Variants in APBA2 observed in about 807,000 individuals in gnomAD.
APBA2 encodes amyloid-beta A4 precursor protein-binding family A member 2.
A neutral mutation model predicts 75.0 loss-of-function variants in APBA2; 30 were observed. That is an observed-to-expected ratio of 0.40 (90% CI 0.30 to 0.54). The LOEUF is 0.54. Ranked by LOEUF, APBA2 falls within the 20% of genes least tolerant of loss-of-function variation. APBA2 has a pLI of 0.49. For synonymous variants in APBA2, 444 were observed against 409.6 expected, an observed-to-expected ratio of 1.08 and a Z score of -1.01; for missense variants, 801 against 1,016.1, an observed-to-expected ratio of 0.79 and a Z score of 2.88.
At chr15:28,910,172 T>G (rs1382544048) in intron 1 of APBA2, among the ~76,000 whole-genome samples, 1 of 152,194 alleles carries the variant, frequency 6.6e-6, no homozygotes, top group Non-Finnish European at 1.5e-5. Flanking sequence ...ATAAGCACTT[T>G]CAGCATTTGC....
intron 7 of APBA2, among the ~76,000 whole-genome samples, chr15:29,093,788 C>T (rs567302540): frequency 3.3e-5 from 5 of 152,226 alleles, no homozygotes; most frequent in African/African-American, 7.2e-5. Context: ...TGCAGAGGCC[C>T]GCCAGCCCAG....
intron 3 of APBA2, among the ~76,000 whole-genome samples, chr15:29,002,574 G>T: frequency 6.6e-6 from 1 of 151,672 alleles, no homozygotes; most frequent in Non-Finnish European, 1.5e-5. Flanking sequence ...GTCAGCGAGT[G>T]GGGGGCTGCA....
chr15:28,936,556 C>G (rs73366738), intron 2 of APBA2, among the ~76,000 whole-genome samples: 1,692 of 152,346 alleles, frequency 0.011, 40 homozygotes, highest in African/African-American at 0.039. Flanking sequence ...TCCCAAGGCA[C>G]TAGTGCCTGC....
In APBA2 at chr15:29,101,699, C is replaced by G; in HGVS notation, c.1439C>G (p.Ser480Cys). 1 of 1,613,740 alleles carries G rather than the reference C, an allele frequency of 6.2e-7. No individual in the cohort carries two copies. The highest frequency in any genetic ancestry group is 1.3e-5 in the African/African-American group (1 of 75,068). Residue 480 changes from serine to cysteine, a missense_variant, in exon 10 of 15, where the codon TCT becomes TGT. By Grantham distance (112) the Ser-to-Cys change is moderately radical (BLOSUM62 -1). Coordinates refer to ENST00000683413, the MANE Select transcript of APBA2 (RefSeq NM_001353788.2). ...MARRRMPRSA[S>C]QDCIETTPGA... ...AGACGCCGCATGCCCCGGTCAGCCT[C>G]TCAGGACTGCATCGAGACCACGCCC...
At chr15:29,076,741 ATG>A (rs1315906390) in intron 6 of APBA2, among the ~76,000 whole-genome samples, 3 of 152,204 alleles carry the variant, frequency 2.0e-5, no homozygotes, top group Non-Finnish European at 4.4e-5. Context: ...GCCCCTGCTA[ATG>A]TGTTATAATA....
chr15:29,032,079 T>C (rs2040516965), intron 3 of APBA2, among the ~76,000 whole-genome samples: 1 of 152,196 alleles, frequency 6.6e-6, no homozygotes, highest in Non-Finnish European at 1.5e-5. Flanking sequence ...TAGGAAGAGG[T>C]GACACCTCCA....
chr15:28,955,971 T>C (rs1038803708), intron 2 of APBA2, among the ~76,000 whole-genome samples: 1 of 152,162 alleles, frequency 6.6e-6, no homozygotes, highest in Non-Finnish European at 1.5e-5. Context: ...ATGCACAGTC[T>C]CAGGCCCCAC....
chr15:29,023,224 C>A (rs2040039513), intron 3 of APBA2, among the ~76,000 whole-genome samples: 2 of 152,114 alleles, frequency 1.3e-5, no homozygotes, highest in Admixed American at 6.6e-5. Flanking sequence ...TAACCAGCCC[C>A]AGACTGAAAG....
chr15:28,938,552 A>T (rs1350227114), intron 2 of APBA2, among the ~76,000 whole-genome samples: 1 of 152,216 alleles, frequency 6.6e-6, no homozygotes, highest in African/African-American at 2.4e-5. Context: ...TCTGTAGCCC[A>T]GGCTGGAGTG....
At chr15:29,061,120 G>C (rs537717321) in intron 4 of APBA2, among the ~76,000 whole-genome samples, 309 of 152,292 alleles carry the variant, frequency 2.0e-3, no homozygotes, top group African/African-American at 7.1e-3. Flanking sequence ...TAGTTCTGTG[G>C]GTCTGTGGGG....
intron 10 of APBA2, among the ~76,000 whole-genome samples, chr15:29,104,347 C>T (rs531292006): frequency 1.3e-5 from 2 of 152,338 alleles, no homozygotes; most frequent in African/African-American, 4.8e-5. Context: ...GAGGCGTCAC[C>T]AAGGCCGCCA....
chr15:28,904,906 G>A (rs1373530016), intron 1 of APBA2, among the ~76,000 whole-genome samples: 1 of 152,202 alleles, frequency 6.6e-6, no homozygotes, highest in African/African-American at 2.4e-5. Context: ...AGGGAGAGAG[G>A]CCTTTTCTGA....
intron 3 of APBA2, among the ~76,000 whole-genome samples, chr15:29,022,433 A>G (rs989769335): frequency 6.6e-6 from 1 of 152,144 alleles, no homozygotes; most frequent in Non-Finnish European, 1.5e-5. Flanking sequence ...CTGAGTATCT[A>G]ACATTTTAGA....
At chr15:28,941,972 G>T (rs1336703274) in intron 2 of APBA2, among the ~76,000 whole-genome samples, 1 of 152,104 alleles carries the variant, frequency 6.6e-6, no homozygotes, top group Non-Finnish European at 1.5e-5. Context: ...TGTTAGCCAG[G>T]ATGGTCTCGA....
chr15:29,016,305 C>T (rs2039660890), intron 3 of APBA2, among the ~76,000 whole-genome samples: 1 of 152,182 alleles, frequency 6.6e-6, no homozygotes, highest in African/African-American at 2.4e-5. Context: ...CTCTGGTCAA[C>T]ACAGAAACAA....
At chr15:28,994,486 C>G (rs905845870) in intron 2 of APBA2, among the ~76,000 whole-genome samples, 6 of 152,166 alleles carry the variant, frequency 3.9e-5, no homozygotes, top group Non-Finnish European at 7.3e-5. Context: ...AACAACGGTG[C>G]AAACAGCCAG....
chr15:28,888,037 G>C (rs576258525), intron 1 of APBA2, among the ~76,000 whole-genome samples: 1 of 152,282 alleles, frequency 6.6e-6, no homozygotes, highest in Non-Finnish European at 1.5e-5. Flanking sequence ...GTGACCGTCA[G>C]CTCCTCATTC....
At chr15:28,963,871 C>A (rs969262580) in intron 2 of APBA2, among the ~76,000 whole-genome samples, 1 of 152,174 alleles carries the variant, frequency 6.6e-6, no homozygotes, top group South Asian at 2.1e-4. Context: ...ACTAGTCAGA[C>A]TCCAGTAGTT....
chr15:28,886,024 C>T lies in APBA2; in HGVS notation c.-459C>T, dbSNP rs1359033087. 1.3e-5 allele frequency: 2 copies of T among 149,276 alleles called. No homozygotes were observed. Among genetic ancestry groups the T allele is most frequent in the Admixed American group, 6.7e-5 (1 of 15,006 alleles). The allele number at this position is 149,276 out of a possible 1,614,324, so 9.2% of individuals were successfully genotyped here. On this transcript the variant is annotated 5_prime_UTR_variant, in exon 1 of 15. Transcript: ENST00000683413. ...AAGCGGCCGGGGCGGGGGCGCAGGC[C>T]CGGCAGCCGCAGGCCGGTGCGGGAT...
Sources: allele counts gnomAD v4.1 joint callset (sites outside exome capture counted in the v4.1 genomes callset), GRCh38; gene constraint gnomAD v4.1.1; transcripts MANE v1.5; gene names NCBI Gene and HGNC (gene_info 2026-07-23, HGNC 2026-07-21).